CLEC12A: variants seen among roughly 807,000 people sequenced by gnomAD.
CLEC12A encodes the protein C-type lectin domain family 12 member A, also known as C-type lectin protein CLL-1.
Under a neutral mutation model 26.5 loss-of-function variants are expected in CLEC12A, and 22 were observed. The observed-to-expected ratio is 0.83, with a 90% CI of 0.59 to 1.19. The LOEUF (loss-of-function observed/expected upper bound fraction) is 1.19, where lower values mean the gene tolerates loss of function less well. Ranked by LOEUF, CLEC12A falls within the 50% of genes most tolerant of loss-of-function variation. The pLI, the probability that CLEC12A is intolerant of heterozygous loss-of-function variation, is 0.00. For synonymous variants in CLEC12A, 119 were observed against 101.9 expected, an observed-to-expected ratio of 1.17 and a Z score of -1.01; for missense variants, 353 against 315.6, an observed-to-expected ratio of 1.12 and a Z score of -0.90.
At chr12:9,953,620 G>A (rs369842165) in intron 1 of CLEC12A, among the ~76,000 whole-genome samples, 13 of 150,874 alleles carry the variant, frequency 8.6e-5, no homozygotes, top group Admixed American at 2.0e-4. Flanking sequence ...CAGCCGCCCC[G>A]TCCGGGAGGT....
At chr12:9,998,899 C>G, downstream of CLEC12A, 1 of 555,462 alleles carries the variant, frequency 1.8e-6, no homozygotes, top group Non-Finnish European at 3.1e-6. Context: ...GAAAACACTA[C>G]TCAAATGCTT....
intron 1 of CLEC12A, among the ~76,000 whole-genome samples, chr12:9,975,467 T>G (rs549138659): frequency 3.3e-5 from 5 of 152,282 alleles, no homozygotes; most frequent in East Asian, 3.9e-4. Flanking sequence ...GCTCCTGCCC[T>G]AGAAATTTGT....
chr12:9,963,463 AG>A lies in CLEC12A; in HGVS notation c.11-8113del, dbSNP rs1172920457. ...GATATGTCTGTGATGCTAGCAGAGA[AG>A]ACACTAGAGAGGCTATGGAAGGTCG... On this transcript the variant is annotated intron_variant, in intron 1 of 6. Transcript: ENST00000355690. Among the ~76,000 whole-genome samples the A allele has an allele frequency of 4.2e-5, 6 of 141,422 alleles. 1 individual carries two copies. The highest frequency in any genetic ancestry group is 1.5e-4 in the African/African-American group (6 of 40,214). 92.8% of individuals were successfully genotyped at this position (141,422 alleles called of 152,430 possible). A position where few individuals can be genotyped will look rare whatever the true frequency, so the allele number is the denominator to read the frequency against.
chr12:10,004,106 C>T, the CLEC12A span, among the ~76,000 whole-genome samples: 2 of 152,078 alleles, frequency 1.3e-5, no homozygotes, highest in Non-Finnish European at 2.9e-5. Context: ...AGCATGCAGA[C>T]GGGCAGGTGC....
chr12:9,962,256 T>TC (rs1555139412), intron 1 of CLEC12A, among the ~76,000 whole-genome samples: 9 of 139,130 alleles, frequency 6.5e-5, no homozygotes, highest in African/African-American at 2.1e-4. Flanking sequence ...GTTTTTTCTT[T>TC]TTTTTTTTTT....
downstream of CLEC12A, among the ~76,000 whole-genome samples, chr12:10,000,674 G>C (rs1346434724): frequency 6.6e-6 from 1 of 152,102 alleles, no homozygotes; most frequent in Non-Finnish European, 1.5e-5. Context: ...ATCTACCACT[G>C]CTTCTGTTCT....
downstream of CLEC12A, among the ~76,000 whole-genome samples, chr12:9,990,548 G>A (rs1864867984): frequency 6.6e-6 from 1 of 152,186 alleles, no homozygotes; most frequent in African/African-American, 2.4e-5. Flanking sequence ...CAAATGAGGA[G>A]TTGCTTTTTA....
chr12:9,966,772 A>G (rs1243923020), upstream of CLEC12A, among the ~76,000 whole-genome samples: 1 of 145,728 alleles, frequency 6.9e-6, no homozygotes, highest in Admixed American at 7.0e-5. Flanking sequence ...AGTTTTATTT[A>G]ATGTCGGGAG....
downstream of CLEC12A, among the ~76,000 whole-genome samples, chr12:9,989,963 C>G (rs1166131439): frequency 6.6e-6 from 1 of 151,958 alleles, no homozygotes; most frequent in Non-Finnish European, 1.5e-5. Context: ...ACAATGACGT[C>G]TAGATGAAAG....
chr12:9,955,567 A>C (rs182056826), intron 1 of CLEC12A, among the ~76,000 whole-genome samples: 30 of 152,344 alleles, frequency 2.0e-4, no homozygotes, highest in Admixed American at 2.0e-3. Flanking sequence ...GTAATTTAAT[A>C]TCTTGAAGTT....
the CLEC12A span, among the ~76,000 whole-genome samples, chr12:10,006,062 A>C: frequency 6.6e-5 from 10 of 152,220 alleles, no homozygotes; most frequent in African/African-American, 2.4e-4. Flanking sequence ...ATACTTCCAC[A>C]TTTAATAACT....
At chr12:9,965,406 T>C (rs1339880723) in intron 1 of CLEC12A, among the ~76,000 whole-genome samples, 5 of 151,942 alleles carry the variant, frequency 3.3e-5, no homozygotes, top group Non-Finnish European at 7.4e-5. Context: ...AAATTTGGGC[T>C]TGACTGAAGT....
exon 5 of CLEC12A, chr12:9,995,210 C>T (rs1237117664): frequency 1.2e-6 from 2 of 1,613,138 alleles, no homozygotes; most frequent in Middle Eastern, 1.7e-4. Context: ...GATAATCCGA[C>T]CCAACGAATT....
intron 1 of CLEC12A, among the ~76,000 whole-genome samples, chr12:9,965,486 G>GGTC (rs772961420): frequency 4.2e-4 from 64 of 150,730 alleles, no homozygotes; most frequent in Non-Finnish European, 6.1e-4. Context: ...TGGGTGTCAG[G>GGTC]GTCAGTCCAA....
At chr12:9,979,291 C>A in intron 2 of CLEC12A, 45 bp from the exon 3 acceptor site, 2 of 1,369,872 alleles carry the variant, frequency 1.5e-6, no homozygotes, top group Non-Finnish European at 2.0e-6. Flanking sequence ...AGGATGATGG[C>A]TCTATTGAGA....
At chr12:9,960,281 C>G (rs1196050128) in intron 1 of CLEC12A, among the ~76,000 whole-genome samples, 5 of 152,262 alleles carry the variant, frequency 3.3e-5, no homozygotes, top group Non-Finnish European at 4.4e-5. Context: ...AAGGAATATG[C>G]ATTTTTCAGT....
downstream of CLEC12A, among the ~76,000 whole-genome samples, chr12:9,990,329 G>T (rs1314934834): frequency 6.6e-6 from 1 of 152,204 alleles, no homozygotes; most frequent in Non-Finnish European, 1.5e-5. Context: ...CCATTAAAAA[G>T]ATTTGTGATT....
At chr12:9,970,478 G>A (rs74065429), upstream of CLEC12A, among the ~76,000 whole-genome samples, 1 of 152,092 alleles carries the variant, frequency 6.6e-6, no homozygotes, top group South Asian at 2.1e-4. Context: ...ATGTCAAGAA[G>A]AATTTTAAAG....
chr12:9,997,214 C>G (rs1288242929), downstream of CLEC12A: 1 of 1,613,832 alleles, frequency 6.2e-7, no homozygotes, highest in Non-Finnish European at 8.5e-7. Flanking sequence ...AAGCGCTTTG[C>G]TAATTGTTGC....
Sources: allele counts gnomAD v4.1 joint callset (sites outside exome capture counted in the v4.1 genomes callset), GRCh38; gene constraint gnomAD v4.1.1; transcripts MANE v1.5; gene names NCBI Gene and HGNC (gene_info 2026-07-23, HGNC 2026-07-21).